Variants in RANBP2 observed in about 807,000 individuals in gnomAD.
RANBP2 encodes the protein RAN binding protein 2.
Under a neutral mutation model 303.6 loss-of-function variants are expected in RANBP2, and 57 were observed. The ratio of observed to expected loss-of-function variants is 0.19; its 90% CI spans 0.15 to 0.23. RANBP2 has a LOEUF of 0.23. Ranked by LOEUF, RANBP2 falls within the 10% of genes least tolerant of loss-of-function variation. The probability of loss-of-function intolerance (pLI) is 1.00; values close to 1 mark genes in which losing one functional copy is unlikely to be tolerated. For missense variants in RANBP2, 3,138 were observed against 3,780.8 expected (o/e 0.83, Z 4.46); for synonymous variants, 1,167 against 1,301.5 (o/e 0.90, Z 2.23).
chr2:108,783,562 T>G, intron 28 of RANBP2, 34 bp from the exon 29 acceptor site: 1 of 1,524,384 alleles, frequency 6.6e-7, no homozygotes, highest in Admixed American at 1.7e-5. Context: ...TTGAAAAAAA[T>G]TTTTAACTTT....
the RANBP2 span, among the ~76,000 whole-genome samples, chr2:109,413,911 G>A: frequency 6.6e-6 from 1 of 151,454 alleles, no homozygotes; most frequent in Non-Finnish European, 1.5e-5. Flanking sequence ...CCCACCAGTG[G>A]TCCAGCAGGG....
chr2:108,868,520 C>T, the RANBP2 span, among the ~76,000 whole-genome samples: 1 of 152,200 alleles, frequency 6.6e-6, no homozygotes, highest in African/African-American at 2.4e-5. Context: ...CTTTCTACCT[C>T]ACCTGTCTCT....
At chr2:109,167,048 G>T in the RANBP2 span, among the ~76,000 whole-genome samples, 6 of 152,186 alleles carry the variant, frequency 3.9e-5, no homozygotes, top group African/African-American at 1.4e-4. Flanking sequence ...TGTCCCGTGG[G>T]AATACCATGG....
At chr2:109,178,302 T>C in the RANBP2 span, among the ~76,000 whole-genome samples, 1 of 152,346 alleles carries the variant, frequency 6.6e-6, no homozygotes, top group Admixed American at 6.5e-5. Flanking sequence ...AGAGCTCTTT[T>C]ATGAATGTTC....
the RANBP2 span, among the ~76,000 whole-genome samples, chr2:109,759,824 G>A: frequency 7.4e-6 from 1 of 135,200 alleles, no homozygotes; most frequent in South Asian, 2.8e-4. Flanking sequence ...AGTACCGGCT[G>A]TATAAGGAGC....
At chr2:109,492,811 T>C in the RANBP2 span, among the ~76,000 whole-genome samples, 8 of 152,162 alleles carry the variant, frequency 5.3e-5, no homozygotes, top group East Asian at 1.2e-3. Flanking sequence ...GGGCCTATTA[T>C]CAGCTTGTGG....
the RANBP2 span, among the ~76,000 whole-genome samples, chr2:108,946,271 A>G: frequency 1.3e-5 from 2 of 152,186 alleles, no homozygotes; most frequent in Non-Finnish European, 1.5e-5. Flanking sequence ...CCCCAAACTC[A>G]TGTCAGTACC....
chr2:108,912,329 C>A, the RANBP2 span, among the ~76,000 whole-genome samples: 1 of 152,104 alleles, frequency 6.6e-6, no homozygotes, highest in Non-Finnish European at 1.5e-5. Flanking sequence ...ATATGAAAAC[C>A]AGTGATAGAA....
In RANBP2 at chr2:108,767,888, C is replaced by T. The variant is rs763159272; in HGVS notation, c.7349C>T (p.Thr2450Ile). ...GCCCAGGAAAAAGATTCTTTGATAA[C>T]ACCTCATGTTTCTCGGTCAAGCACT... is the stretch of plus-strand genomic sequence containing the variant. ...KTAQEKDSLITPHVSRSSTPR... is the reference protein window; with the variant it reads ...KTAQEKDSLIIPHVSRSSTPR... The change falls in exon 20 of 29, where the codon ACA becomes ATA. Residue 2450 changes from threonine to isoleucine, a missense_variant. Thr to Ile is a moderately conservative substitution (Grantham distance 89). This residue lies in a region of RANBP2 where 92 missense variants were observed against 211.0 expected (regional missense o/e 0.44). Coordinates refer to ENST00000283195, the MANE Select transcript of RANBP2 (RefSeq NM_006267.5). 1 of 1,610,734 alleles carries T rather than the reference C, an allele frequency of 6.2e-7. No homozygotes were observed. The highest frequency in any genetic ancestry group is 1.7e-5 in the Admixed American group (1 of 59,950).
the RANBP2 span, among the ~76,000 whole-genome samples, chr2:108,965,887 C>T: frequency 1.3e-5 from 2 of 151,960 alleles, no homozygotes; most frequent in African/African-American, 4.8e-5. Context: ...CCCCCTCTCC[C>T]CCCAGGCAAA....
the RANBP2 span, among the ~76,000 whole-genome samples, chr2:109,640,164 T>C: frequency 2.6e-5 from 4 of 151,636 alleles, no homozygotes; most frequent in Non-Finnish European, 5.9e-5. Flanking sequence ...AGAAATGATA[T>C]GCTTCCAGCC....
At chr2:108,992,992 G>T in the RANBP2 span, among the ~76,000 whole-genome samples, 1 of 152,204 alleles carries the variant, frequency 6.6e-6, no homozygotes, top group Non-Finnish European at 1.5e-5. Flanking sequence ...TGTGGTCACA[G>T]TTCCATAGGC....
the RANBP2 span, among the ~76,000 whole-genome samples, chr2:108,792,150 G>A: frequency 1.3e-5 from 2 of 152,178 alleles, no homozygotes; most frequent in Non-Finnish European, 2.9e-5. Flanking sequence ...AGTTTTCTGT[G>A]TATCTGGCTG....
At chr2:109,545,674 G>T in the RANBP2 span, 2 of 1,469,428 alleles carry the variant, frequency 1.4e-6, no homozygotes, top group African/African-American at 2.8e-5. Flanking sequence ...GCTTTATTTA[G>T]ACATGAAATT....
the RANBP2 span, chr2:109,613,682 G>T: frequency 1.5e-6 from 1 of 689,124 alleles, no homozygotes; most frequent in Non-Finnish European, 2.0e-6. Flanking sequence ...GGGCGGGGCC[G>T]GAGGGGGCGC....
the RANBP2 span, among the ~76,000 whole-genome samples, chr2:109,247,453 T>C: frequency 2.0e-5 from 3 of 152,244 alleles, no homozygotes; most frequent in Non-Finnish European, 4.4e-5. Flanking sequence ...TGACCGTTCC[T>C]CTGAGGACAC....
chr2:108,841,505 ATCTC>A, the RANBP2 span, among the ~76,000 whole-genome samples: 1 of 152,074 alleles, frequency 6.6e-6, no homozygotes, highest in African/African-American at 2.4e-5. Context: ...GTCCTTCTCT[ATCTC>A]TGAACATTTG....
chr2:109,351,868 CCTT>C, the RANBP2 span, among the ~76,000 whole-genome samples: 4 of 152,218 alleles, frequency 2.6e-5, no homozygotes, highest in African/African-American at 9.6e-5. Flanking sequence ...TTCCATGTGA[CCTT>C]CTTATGCTGC....
the RANBP2 span, among the ~76,000 whole-genome samples, chr2:109,452,788 CCTGGGAGGCTGGTG>C: frequency 6.6e-5 from 10 of 151,192 alleles, no homozygotes; most frequent in African/African-American, 9.7e-5. Flanking sequence ...GAGGCTGGTC[CCTGGGAGGCTGGTG>C]CTGGGAGGCT....
Sources: gnomAD v4.1 joint callset for allele counts (sites outside exome capture counted in the v4.1 genomes callset) on GRCh38, gnomAD v4.1.1 for gene constraint, gnomAD v4.1.1 regional missense constraint, MANE v1.5 for transcripts, NCBI Gene and HGNC (gene_info 2026-07-23, HGNC 2026-07-21) for gene names.